Variants in PDZRN4 observed in about 807,000 individuals in gnomAD.
PDZRN4 encodes the protein PDZ domain-containing RING finger protein 4.
PDZRN4 carries 70 observed loss-of-function variants against 99.0 expected under a neutral mutation model. The observed-to-expected ratio is 0.71, with a 90% CI of 0.58 to 0.86. The LOEUF is 0.86. Ranked by LOEUF, PDZRN4 falls within the 40% of genes least tolerant of loss-of-function variation. The pLI is 0.00. For missense variants in PDZRN4, 1,474 were observed against 1,331.2 expected (o/e 1.11, Z -1.67); for synonymous variants, 551 against 501.6 (o/e 1.10, Z -1.32).
At chr12:41,513,019 C>T (rs960204848) in intron 5 of PDZRN4, among the ~76,000 whole-genome samples, 1 of 151,866 alleles carries the variant, frequency 6.6e-6, no homozygotes, top group Non-Finnish European at 1.5e-5. Context: ...TATTTAGGTG[C>T]CTTTTTAAAG....
chr12:41,325,272 A>G (rs1287301817), intron 3 of PDZRN4, among the ~76,000 whole-genome samples: 1 of 152,190 alleles, frequency 6.6e-6, no homozygotes, highest in African/African-American at 2.4e-5. Context: ...AGCAAAACTT[A>G]TGTTAGAAAT....
At position 41,537,603 on chromosome 12, in the gene PDZRN4, C is replaced by A. The variant is rs143357427; in HGVS notation, c.1204-15053C>A. 3.8e-4 allele frequency among the ~76,000 whole-genome samples: 58 copies of A among 152,202 alleles called. 1 individual carries two copies. Among genetic ancestry groups the A allele is most frequent in the Non-Finnish European group, 6.2e-4 (42 of 68,008 alleles). ...ATTACAGAGGGCCTATAGTGTCAATCTGAGGAGTTTGGACTTCAGTAGTGC... is the reference window on the plus strand; with the variant it reads ...ATTACAGAGGGCCTATAGTGTCAATATGAGGAGTTTGGACTTCAGTAGTGC... On this transcript the variant is annotated intron_variant, in intron 5 of 9. Coordinates refer to ENST00000402685, the MANE Select transcript of PDZRN4 (RefSeq NM_001164595.2).
chr12:41,511,428 G>A (rs2120687330), intron 5 of PDZRN4, among the ~76,000 whole-genome samples: 1 of 152,108 alleles, frequency 6.6e-6, no homozygotes, highest in South Asian at 2.1e-4. Flanking sequence ...TCTCAGACAA[G>A]CTCTCTGTAG....
intron 3 of PDZRN4, among the ~76,000 whole-genome samples, chr12:41,257,317 C>T (rs757552343): frequency 3.9e-5 from 6 of 152,214 alleles, no homozygotes; most frequent in Non-Finnish European, 8.8e-5. Context: ...TGTTTCCTCA[C>T]ATGGTGGAAG....
At position 41,303,320 on chromosome 12, in the gene PDZRN4, G is replaced by A. The variant is rs1951549367; in HGVS notation, c.843+109132G>A. 2.0e-5 allele frequency among the ~76,000 whole-genome samples: 3 copies of A among 152,154 alleles called. No homozygotes were observed. The South Asian group carries it at 6.2e-4, about 32-fold the overall frequency. On this transcript the variant is annotated intron_variant, in intron 3 of 9. Transcript: ENST00000402685. ...GAGAAAACCCTCCTGAGTCCTTTGA[G>A]CTAAGTGCCTAAGGGTGATTTCCAG...
intron 3 of PDZRN4, among the ~76,000 whole-genome samples, chr12:41,410,566 T>C (rs571764750): frequency 2.0e-5 from 3 of 152,274 alleles, no homozygotes; most frequent in Non-Finnish European, 4.4e-5. Context: ...ATATTCACAG[T>C]TTAGATGGTG....
intron 5 of PDZRN4, among the ~76,000 whole-genome samples, chr12:41,543,328 AGTGT>A (rs1161578587): frequency 6.6e-6 from 1 of 151,926 alleles, no homozygotes; most frequent in Non-Finnish European, 1.5e-5. Flanking sequence ...AGAATTAAAA[AGTGT>A]GTGTGTGTGT....
At chr12:41,395,155 G>A (rs1316765558) in intron 3 of PDZRN4, among the ~76,000 whole-genome samples, 1 of 152,086 alleles carries the variant, frequency 6.6e-6, no homozygotes, top group East Asian at 1.9e-4. Context: ...TCCATATCAA[G>A]TCTAGGTGTG....
chr12:41,567,354 G>T (rs1015511464), intron 8 of PDZRN4, among the ~76,000 whole-genome samples: 18 of 152,084 alleles, frequency 1.2e-4, no homozygotes, highest in Non-Finnish European at 1.5e-4. Context: ...CGTATGGGGG[G>T]AACTTTGTGT....
chr12:41,453,194 C>G (rs1026756996), intron 3 of PDZRN4, among the ~76,000 whole-genome samples: 5 of 152,094 alleles, frequency 3.3e-5, no homozygotes, highest in African/African-American at 1.2e-4. Context: ...GCAGCCCATG[C>G]CCCCCGCCCC....
At chr12:41,230,485 T>C (rs1263773806) in intron 3 of PDZRN4, among the ~76,000 whole-genome samples, 1 of 152,152 alleles carries the variant, frequency 6.6e-6, no homozygotes, top group Admixed American at 6.6e-5. Flanking sequence ...TTGTGATTTC[T>C]AGATTATTGC....
At chr12:41,571,335 GTCTCTCTC>G (rs752003607) in intron 9 of PDZRN4, among the ~76,000 whole-genome samples, 48 of 101,276 alleles carry the variant, frequency 4.7e-4, no homozygotes, top group South Asian at 3.8e-3. Flanking sequence ...AATTACCAGA[GTCTCTCTC>G]TCTCTCTCTC....
chr12:41,352,004 T>TAAATAAATAAATAAATAAAA (rs1235086546), intron 3 of PDZRN4, among the ~76,000 whole-genome samples: 1 of 150,646 alleles, frequency 6.6e-6, no homozygotes, highest in African/African-American at 2.5e-5. Flanking sequence ...AATAAATAAA[T>TAAATAAATAAATAAATAAAA]AAAAATTTCA....
rs186960756 is a variant in PDZRN4 at position 41,345,271 on chromosome 12, G to A, written c.843+151083G>A. Among the ~76,000 whole-genome samples, 9 of 152,272 alleles carry A rather than the reference G, an allele frequency of 5.9e-5. No homozygotes were observed. The East Asian group carries it at 7.7e-4, about 13-fold the overall frequency. ...CTGCATTAATGCACGGCACAGACGC[G>A]TTCCTTTTGTTACTGAATATTAGAC... On this transcript the variant is annotated intron_variant, in intron 3 of 9. Coordinates refer to ENST00000402685, the MANE Select transcript of PDZRN4 (RefSeq NM_001164595.2).
intron 3 of PDZRN4, among the ~76,000 whole-genome samples, chr12:41,383,363 A>G (rs900138404): frequency 2.6e-5 from 4 of 152,228 alleles, no homozygotes; most frequent in African/African-American, 7.2e-5. Flanking sequence ...ATGAAAAGCA[A>G]TGTAATGTGC....
chr12:41,243,768 A>G (rs919614419), intron 3 of PDZRN4, among the ~76,000 whole-genome samples: 1 of 152,368 alleles, frequency 6.6e-6, no homozygotes, highest in Middle Eastern at 3.4e-3. Context: ...AATTCACAGT[A>G]GCAGAATATC....
intron 3 of PDZRN4, among the ~76,000 whole-genome samples, chr12:41,332,744 TAAAAA>T (rs3046824): frequency 2.2e-4 from 26 of 118,198 alleles, no homozygotes; most frequent in African/African-American, 4.6e-4. Context: ...AGAGGAGGAT[TAAAAA>T]AAAAAAAAAA....
chr12:41,390,078 T>G (rs978068930), intron 3 of PDZRN4, among the ~76,000 whole-genome samples: 13 of 152,122 alleles, frequency 8.5e-5, no homozygotes, highest in Admixed American at 6.6e-4. Context: ...AAATCTTGGG[T>G]AGGTGCCTGA....
chr12:41,451,471 G>A (rs1952773403), intron 3 of PDZRN4, among the ~76,000 whole-genome samples: 1 of 152,158 alleles, frequency 6.6e-6, no homozygotes. Flanking sequence ...CAAAGAAGTT[G>A]CCTTACAAAG....
Sources: allele counts gnomAD v4.1 joint callset (sites outside exome capture counted in the v4.1 genomes callset), GRCh38; gene constraint gnomAD v4.1.1; transcripts MANE v1.5; gene names NCBI Gene and HGNC (gene_info 2026-07-23, HGNC 2026-07-21).